The following PCDHA9 variants were observed in gnomAD, a reference collection of about 807,000 sequenced individuals.
PCDHA9 encodes protocadherin alpha 9, also known as protocadherin alpha-9.
Under a neutral mutation model 62.0 loss-of-function variants are expected in PCDHA9, and 62 were observed. The ratio of observed to expected loss-of-function variants is 1.00; its 90% CI spans 0.81 to 1.23. The LOEUF is 1.23. Ranked by LOEUF, PCDHA9 falls within the 50% of genes most tolerant of loss-of-function variation. The probability of loss-of-function intolerance (pLI) is 0.00; values close to 1 mark genes in which losing one functional copy is unlikely to be tolerated. For missense variants in PCDHA9, 1,205 were observed against 1,249.8 expected (o/e 0.96, Z 0.54); for synonymous variants, 557 against 567.6 (o/e 0.98, Z 0.27).
intron 1 of PCDHA9, chr5:140,881,407 A>G (rs2058705270): frequency 1.0e-6 from 1 of 956,680 alleles, no homozygotes; most frequent in South Asian, 4.8e-5. Flanking sequence ...TATTAAATCA[A>G]TAGGATATTA....
chr5:140,980,614 G>T (rs2153822225), intron 2 of PCDHA9, among the ~76,000 whole-genome samples: 1 of 152,088 alleles, frequency 6.6e-6, no homozygotes, highest in Admixed American at 6.5e-5. Context: ...TGGCGACAGT[G>T]CGAGACTCTG....
chr5:140,918,494 G>A (rs1252984580), intron 1 of PCDHA9, among the ~76,000 whole-genome samples: 2 of 152,098 alleles, frequency 1.3e-5, no homozygotes, highest in Non-Finnish European at 2.9e-5. Context: ...GCTTTGGATG[G>A]TACCAATCCT....
At chr5:140,855,666 A>G (rs2043560136) in intron 1 of PCDHA9, among the ~76,000 whole-genome samples, 2 of 149,632 alleles carry the variant, frequency 1.3e-5, no homozygotes, top group Admixed American at 6.7e-5. Context: ...AGAAATCACT[A>G]CTCTGAGAGT....
At chr5:140,870,279 T>C (rs1047130885) in intron 1 of PCDHA9, 3 of 1,614,120 alleles carry the variant, frequency 1.9e-6, no homozygotes, top group Non-Finnish European at 2.5e-6. Context: ...CGCCCCACGT[T>C]CCCTTCAAGC....
chr5:140,969,221 C>T, intron 1 of PCDHA9: 2 of 1,614,158 alleles, frequency 1.2e-6, no homozygotes, highest in Non-Finnish European at 1.7e-6. Context: ...AGGACCAGGG[C>T]CTTCGGGAGC....
At chr5:140,853,589 C>T (rs1053953271) in intron 1 of PCDHA9, 2 of 986,246 alleles carry the variant, frequency 2.0e-6, no homozygotes, top group Non-Finnish European at 1.2e-6. Context: ...ATCTTAGACA[C>T]TTTGAGAGCA....
chr5:140,928,409 C>A (rs782636217), intron 1 of PCDHA9: 2 of 1,613,912 alleles, frequency 1.2e-6, no homozygotes, highest in Non-Finnish European at 8.5e-7. Context: ...TCCAGTGGGG[C>A]CATCACTGCC....
At chr5:140,969,513 A>G (rs2096339726) in intron 1 of PCDHA9, 1 of 1,417,106 alleles carries the variant, frequency 7.1e-7, no homozygotes, top group Non-Finnish European at 9.4e-7. Context: ...ATAGCACTAA[A>G]GAATTGTTTT....
intron 1 of PCDHA9, chr5:140,882,939 G>T: frequency 2.5e-6 from 4 of 1,614,164 alleles, no homozygotes; most frequent in Non-Finnish European, 3.4e-6. Context: ...GAGCTGACTG[G>T]CACAGTTCAG....
In PCDHA9 at chr5:140,852,588, T is replaced by TTA. The variant is rs1554145946; in HGVS notation, c.2394+1700_2394+1701insAT. On this transcript the variant is annotated intron_variant, in intron 1 of 3. Coordinates refer to ENST00000532602, the MANE Select transcript of PCDHA9 (RefSeq NM_031857.2). ...ACTGTGCCAAGGCTTTTTTATTTTTTTTTTTTGTCATTTTCTTTCAAAACT... is the reference window on the plus strand; with the variant it reads ...ACTGTGCCAAGGCTTTTTTATTTTTTTATTTTTTGTCATTTTCTTTCAAAACT... 1.7e-5 allele frequency: 15 copies of TTA among 881,508 alleles called. 1 individual carries two copies. The highest frequency in any genetic ancestry group is 1.9e-5 in the Non-Finnish European group (14 of 723,686). The allele number at this position is 881,508 out of a possible 1,614,324, so 54.6% of individuals were successfully genotyped here. A position where few individuals can be genotyped will look rare whatever the true frequency, so the allele number is the denominator to read the frequency against.
chr5:140,872,087 A>C (rs2053480826), intron 1 of PCDHA9, among the ~76,000 whole-genome samples: 2 of 152,304 alleles, frequency 1.3e-5, no homozygotes, highest in East Asian at 1.9e-4. Flanking sequence ...GTGCCACTGC[A>C]CTTAGTCCAT....
chr5:140,950,523 T>C (rs1289314937), intron 1 of PCDHA9, among the ~76,000 whole-genome samples: 2 of 152,094 alleles, frequency 1.3e-5, no homozygotes, highest in African/African-American at 4.8e-5. Flanking sequence ...TGCGATATGA[T>C]TGTTTTTGTT....
chr5:140,859,468 C>T, intron 1 of PCDHA9: 1 of 211,932 alleles, frequency 4.7e-6, no homozygotes, highest in Non-Finnish European at 9.2e-6. Flanking sequence ...ACTACACTAT[C>T]AATTGTGTTT....
intron 1 of PCDHA9, among the ~76,000 whole-genome samples, chr5:140,894,100 G>C (rs1554185932): frequency 2.0e-5 from 3 of 151,990 alleles, no homozygotes; most frequent in African/African-American, 7.3e-5. Context: ...CTAGCTCCTG[G>C]TGTTGCAGAT....
intron 1 of PCDHA9, among the ~76,000 whole-genome samples, chr5:140,912,892 A>T (rs1554195590): frequency 2.0e-5 from 3 of 152,210 alleles, no homozygotes. Context: ...TTCTGTTGAT[A>T]TGATGTATCA....
intron 1 of PCDHA9, among the ~76,000 whole-genome samples, chr5:140,946,691 G>C (rs782114019): frequency 6.8e-6 from 1 of 147,578 alleles, no homozygotes; most frequent in Non-Finnish European, 1.5e-5. Flanking sequence ...TGACAATATG[G>C]ATGAATCTGG....
At chr5:140,968,817 T>C in intron 1 of PCDHA9, 2 of 1,614,110 alleles carry the variant, frequency 1.2e-6, no homozygotes, top group Middle Eastern at 3.3e-4. Flanking sequence ...GTGGATAGGG[T>C]TTCCAAAATC....
chr5:140,938,086 TTTA>T (rs1189650554), intron 1 of PCDHA9, among the ~76,000 whole-genome samples: 6 of 152,142 alleles, frequency 3.9e-5, no homozygotes, highest in African/African-American at 1.4e-4. Flanking sequence ...TAATGTTAGT[TTTA>T]TTATTGTATT....
intron 1 of PCDHA9, chr5:140,928,746 C>G (rs782813323): frequency 1.2e-6 from 2 of 1,614,012 alleles, no homozygotes; most frequent in Non-Finnish European, 1.7e-6. Flanking sequence ...TAGGTGAGCT[C>G]CGTACTGCTC....
Sources: allele counts gnomAD v4.1 joint callset (sites outside exome capture counted in the v4.1 genomes callset), GRCh38; gene constraint gnomAD v4.1.1; transcripts MANE v1.5; gene names NCBI Gene and HGNC (gene_info 2026-07-23, HGNC 2026-07-21).